The following IL12RB2 variants were observed in gnomAD, a reference collection of about 807,000 sequenced individuals.
IL12RB2 encodes interleukin 12 receptor subunit beta 2.
IL12RB2 carries 82 observed loss-of-function variants against 89.4 expected under a neutral mutation model. That is an observed-to-expected ratio of 0.92 (90% CI 0.77 to 1.10). The LOEUF is 1.10. IL12RB2 is among the 50% of genes least tolerant of loss of function. The pLI, the probability that IL12RB2 is intolerant of heterozygous loss-of-function variation, is 0.00. For synonymous variants in IL12RB2, 368 were observed against 370.1 expected (o/e 0.99, Z 0.07); for missense variants, 963 against 1,031.9 (o/e 0.93, Z 0.92).
Position 67,321,597 on chromosome 1 carries a change from T to G in IL12RB2, c.77-5T>G, listed in dbSNP as rs1417597797. 3 of 1,580,256 alleles carry G rather than the reference T, an allele frequency of 1.9e-6. No homozygotes were observed. The East Asian group carries it at 6.7e-5, about 35-fold the overall frequency. On this transcript the variant is annotated splice_region_variant and splice_polypyrimidine_tract_variant and intron_variant, in intron 3 of 16. Transcript: ENST00000674203. ...ACTAAATATTGCATCTGTATCTTATTGCAGATGCGTGCAAGAGAGGCGATG... is the reference window on the plus strand; with the variant it reads ...ACTAAATATTGCATCTGTATCTTATGGCAGATGCGTGCAAGAGAGGCGATG...
chr1:67,392,779 C>T (rs1169040288), intron 16 of IL12RB2, among the ~76,000 whole-genome samples: 9 of 151,902 alleles, frequency 5.9e-5, no homozygotes, highest in African/African-American at 2.2e-4. Context: ...TGCAGGGGCA[C>T]GCTGCCACGC....
intron 14 of IL12RB2, 44 bp from the exon 15 acceptor site, chr1:67,386,535 A>G (rs758782803): frequency 1.5e-6 from 2 of 1,321,090 alleles, no homozygotes; most frequent in South Asian, 1.2e-5. Flanking sequence ...TGAAATGTTC[A>G]TTGGTGATAA....
In IL12RB2 at chr1:67,329,850, G is replaced by A. The variant is rs914981375; in HGVS notation, c.807+121G>A. ...GAATATTTATCCCAAAAGTACACAC[G>A]AGAGAATTATCAGAAAGTCATGTAT... is the stretch of plus-strand genomic sequence containing the variant. On this transcript the variant is annotated intron_variant, in intron 7 of 16. Coordinates refer to ENST00000674203, the MANE Select transcript of IL12RB2 (RefSeq NM_001374259.2). The A allele has an allele frequency of 5.9e-5, 45 of 766,068 alleles. 1 individual carries two copies. Among genetic ancestry groups the A allele is most frequent in the South Asian group, 5.8e-4 (40 of 69,274 alleles). 47.5% of individuals were successfully genotyped at this position (766,068 alleles called of 1,614,324 possible). A position where few individuals can be genotyped will look rare whatever the true frequency, so the allele number is the denominator to read the frequency against.
At chr1:67,395,210 G>C (rs927541645) in intron 16 of IL12RB2, among the ~76,000 whole-genome samples, 1 of 152,022 alleles carries the variant, frequency 6.6e-6, no homozygotes, top group Non-Finnish European at 1.5e-5. Context: ...GGAGGTTACA[G>C]GGAGCCAAGA....
At chr1:67,376,868 G>C (rs996692857) in intron 13 of IL12RB2, among the ~76,000 whole-genome samples, 5 of 152,176 alleles carry the variant, frequency 3.3e-5, no homozygotes, top group African/African-American at 1.2e-4. Context: ...TGCTGCAGCA[G>C]GAGGAACAGA....
chr1:67,388,047 G>A (rs1280202798), intron 15 of IL12RB2, among the ~76,000 whole-genome samples: 1 of 152,054 alleles, frequency 6.6e-6, no homozygotes, highest in Non-Finnish European at 1.5e-5. Context: ...CCATGGTGGT[G>A]CACACCTGTA....
chr1:67,354,175 T>A (rs1240142890), intron 10 of IL12RB2, among the ~76,000 whole-genome samples: 1 of 152,038 alleles, frequency 6.6e-6, no homozygotes, highest in Non-Finnish European at 1.5e-5. Flanking sequence ...AGCCAAAGCA[T>A]GAGCTTGGAG....
chr1:67,370,549 C>T (rs1420149858), intron 11 of IL12RB2, among the ~76,000 whole-genome samples: 1 of 152,134 alleles, frequency 6.6e-6, no homozygotes, highest in Non-Finnish European at 1.5e-5. Flanking sequence ...AGAAAAACCA[C>T]CTAAGTGATG....
chr1:67,391,356 A>AGTGTGT (rs148773328), intron 16 of IL12RB2, among the ~76,000 whole-genome samples: 6,717 of 140,462 alleles, frequency 0.048, 201 homozygotes, highest in Admixed American at 0.064. Context: ...TAATAACAGC[A>AGTGTGT]GTGTGTGTGT....
At chr1:67,358,159 A>G (rs1661604310) in intron 10 of IL12RB2, among the ~76,000 whole-genome samples, 1 of 152,206 alleles carries the variant, frequency 6.6e-6, no homozygotes. Flanking sequence ...AAAGAATCAA[A>G]AGGACACTAG....
intron 10 of IL12RB2, among the ~76,000 whole-genome samples, chr1:67,356,425 G>A (rs1661404693): frequency 1.3e-5 from 2 of 152,210 alleles, no homozygotes; most frequent in South Asian, 2.1e-4. Context: ...CCTCACTGGG[G>A]AGGAGAGCTG....
At chr1:67,366,389 C>T (rs570465566) in intron 10 of IL12RB2, among the ~76,000 whole-genome samples, 12 of 145,768 alleles carry the variant, frequency 8.2e-5, no homozygotes, top group African/African-American at 2.8e-4. Context: ...AGGCAGAGGC[C>T]GCAGTGAGCC....
intron 9 of IL12RB2, among the ~76,000 whole-genome samples, chr1:67,347,315 T>G (rs1001643164): frequency 4.6e-5 from 7 of 152,270 alleles, no homozygotes; most frequent in African/African-American, 1.7e-4. Flanking sequence ...AGATTTTTTC[T>G]TTATTATTTG....
intron 13 of IL12RB2, 53 bp from the exon 14 acceptor site, chr1:67,379,933 A>G: frequency 1.5e-6 from 2 of 1,345,936 alleles, no homozygotes; most frequent in Non-Finnish European, 2.1e-6. Flanking sequence ...AGAAGCCTAC[A>G]TTAAAAGCCA....
chr1:67,386,872 T>TTA (rs1179774666), intron 15 of IL12RB2, among the ~76,000 whole-genome samples: 3,881 of 46,728 alleles, frequency 0.083, 102 homozygotes, highest in African/African-American at 0.11. Context: ...GAAATGTATT[T>TTA]TATATATATA....
chr1:67,372,454 T>C lies in IL12RB2; in HGVS notation c.1478T>C (p.Ile493Thr). ...ALISENIKSYICYEIRVYALS... is the reference protein window; with the variant it reads ...ALISENIKSYTCYEIRVYALS... ...CTTGCAGAGAACATAAAATCCTACA[T>C]CTGTTATGAAATCCGTGTGTATGCA... The change falls in exon 12 of 17, where the codon ATC becomes ACC. Residue 493 changes from isoleucine (I) to threonine (T), a missense_variant. By Grantham distance (89) the Ile-to-Thr change is moderately conservative. Transcript: ENST00000674203. 1 of 1,580,552 alleles carries C rather than the reference T, an allele frequency of 6.3e-7. No individual in the cohort carries two copies. The highest frequency in any genetic ancestry group is 8.7e-7 in the Non-Finnish European group (1 of 1,149,258).
rs572505092 is a variant in IL12RB2, at chr1:67,338,336, C to CAAAAAA, written c.959-256_959-251dup. Among the ~76,000 whole-genome samples, 102 of 40,108 alleles carry CAAAAAA rather than the reference C, an allele frequency of 2.5e-3. 5 individuals carry two copies. Among genetic ancestry groups the CAAAAAA allele is most frequent in the Non-Finnish European group, 3.6e-3 (64 of 17,760 alleles). The allele number at this position is 40,108 out of a possible 152,430, so 26.3% of individuals were successfully genotyped here. A position where few individuals can be genotyped will look rare whatever the true frequency, so the allele number is the denominator to read the frequency against. On this transcript the variant is annotated intron_variant, in intron 8 of 16. Coordinates refer to ENST00000674203, the MANE Select transcript of IL12RB2 (RefSeq NM_001374259.2). ...GAGGCAACAGAGCAAGATCCTGTCT[C>CAAAAAA]AAAAAAAAAAAAAAAAAAAAAAAAA... is the stretch of plus-strand genomic sequence containing the variant.
At chr1:67,337,443 G>A (rs1208855596) in intron 8 of IL12RB2, among the ~76,000 whole-genome samples, 3 of 152,110 alleles carry the variant, frequency 2.0e-5, no homozygotes, top group African/African-American at 2.4e-5. Flanking sequence ...ACTCACTCAC[G>A]TGAGCATGAA....
intron 9 of IL12RB2, among the ~76,000 whole-genome samples, chr1:67,339,477 A>G (rs1304876996): frequency 6.7e-6 from 1 of 149,606 alleles, no homozygotes; most frequent in Admixed American, 6.7e-5. Flanking sequence ...ACAGAGTGAG[A>G]CTACGTTTCA....
Sources: allele counts gnomAD v4.1 joint callset (sites outside exome capture counted in the v4.1 genomes callset), GRCh38; gene constraint gnomAD v4.1.1; transcripts MANE v1.5; gene names NCBI Gene and HGNC (gene_info 2026-07-23, HGNC 2026-07-21).